The following NDST4 variants were observed in gnomAD, a reference collection of about 807,000 sequenced individuals.
The protein encoded by NDST4 is N-heparan sulfate sulfotransferase 4.
Under a neutral mutation model 100.8 loss-of-function variants are expected in NDST4, and 63 were observed. The observed-to-expected ratio is 0.62, with a 90% CI of 0.51 to 0.77. The LOEUF is 0.77. NDST4 is among the 30% of genes least tolerant of loss of function. The pLI, the probability that NDST4 is intolerant of heterozygous loss-of-function variation, is 0.00. For missense variants in NDST4, 943 were observed against 1,018.4 expected, an observed-to-expected ratio of 0.93 and a Z score of 1.01; for synonymous variants, 377 against 361.8, an observed-to-expected ratio of 1.04 and a Z score of -0.48.
intron 2 of NDST4, among the ~76,000 whole-genome samples, chr4:114,984,458 G>A (rs534080915): frequency 1.2e-4 from 19 of 152,026 alleles, no homozygotes; most frequent in Non-Finnish European, 2.1e-4. Context: ...CATGAGCAAC[G>A]GCGCCAGGCC....
At chr4:114,901,478 AT>A (rs1724837065) in intron 6 of NDST4, among the ~76,000 whole-genome samples, 1 of 151,860 alleles carries the variant, frequency 6.6e-6, no homozygotes. Flanking sequence ...TGTTAGAATG[AT>A]TTATCTTTCT....
rs747942559 is a variant in NDST4 at position 115,076,903 on chromosome 4, T to C, written c.134A>G (p.Glu45Gly). Residue 45 changes from glutamate (E) to glycine (G), a missense_variant, in exon 2 of 14, where the codon GAA becomes GGA. Coordinates refer to ENST00000264363, the MANE Select transcript of NDST4 (RefSeq NM_022569.3). Reference protein sequence around the residue: ...SGYKQEMTLIETTAEAECTDI... With the variant: ...SGYKQEMTLIGTTAEAECTDI... ...AGTGCATTCTGCTTCTGCAGTGGTT[T>C]CAATAAGTGTCATTTCCTGTTTGTA... The C allele has an allele frequency of 1.2e-6, 2 of 1,613,796 alleles. No homozygotes were observed. Among genetic ancestry groups the C allele is most frequent in the East Asian group, 2.2e-5 (1 of 44,760 alleles).
chr4:115,041,495 G>A (rs1481265292), intron 2 of NDST4, among the ~76,000 whole-genome samples: 1 of 152,082 alleles, frequency 6.6e-6, no homozygotes, highest in Non-Finnish European at 1.5e-5. Context: ...TGGATATGAT[G>A]CATCAGTTCA....
intron 4 of NDST4, among the ~76,000 whole-genome samples, chr4:114,963,197 A>G (rs1290811810): frequency 2.6e-5 from 4 of 152,196 alleles, no homozygotes; most frequent in African/African-American, 9.6e-5. Context: ...GAATGGATAT[A>G]TAATAGGTAA....
chr4:114,901,079 G>A (rs970696785), intron 6 of NDST4, among the ~76,000 whole-genome samples: 1 of 151,350 alleles, frequency 6.6e-6, no homozygotes, highest in African/African-American at 2.4e-5. Flanking sequence ...ACCTATCTTG[G>A]TTACTGTTCC....
chr4:115,030,752 A>G (rs1298559177), intron 2 of NDST4, among the ~76,000 whole-genome samples: 2 of 152,112 alleles, frequency 1.3e-5, no homozygotes, highest in East Asian at 3.9e-4. Context: ...AAAGACCTTA[A>G]AATTTTAAAC....
At chr4:115,080,858 C>T (rs1366865140) in intron 1 of NDST4, among the ~76,000 whole-genome samples, 2 of 152,056 alleles carry the variant, frequency 1.3e-5, no homozygotes, top group East Asian at 1.9e-4. Flanking sequence ...ACAACTCCCC[C>T]AAATAACCCA....
At chr4:115,026,495 A>T (rs1012679991) in intron 2 of NDST4, among the ~76,000 whole-genome samples, 15 of 152,160 alleles carry the variant, frequency 9.9e-5, no homozygotes, top group African/African-American at 3.4e-4. Flanking sequence ...CTCAGATTAT[A>T]CACATGTATT....
At chr4:114,879,096 G>A (rs965455852) in intron 6 of NDST4, among the ~76,000 whole-genome samples, 6 of 151,834 alleles carry the variant, frequency 4.0e-5, no homozygotes, top group African/African-American at 1.5e-4. Flanking sequence ...GTGAAGTTTT[G>A]ATACATCATT....
intron 6 of NDST4, among the ~76,000 whole-genome samples, chr4:114,928,341 A>C (rs934080529): frequency 6.6e-6 from 1 of 152,196 alleles, no homozygotes; most frequent in African/African-American, 2.4e-5. Flanking sequence ...CTCATCATCA[A>C]GTAGCCCCAA....
chr4:114,959,374 A>G (rs190550708), intron 4 of NDST4, among the ~76,000 whole-genome samples: 1 of 151,566 alleles, frequency 6.6e-6, no homozygotes, highest in East Asian at 1.9e-4. Context: ...AAAAAATCCA[A>G]GATGGGGTAA....
intron 4 of NDST4, among the ~76,000 whole-genome samples, chr4:114,963,431 TG>T (rs547388749): frequency 5.1e-4 from 77 of 151,846 alleles, no homozygotes; most frequent in African/African-American, 1.8e-3. Context: ...GTTGAGGGAG[TG>T]GGGAGAAATG....
At chr4:114,888,036 C>T (rs968679449) in intron 6 of NDST4, among the ~76,000 whole-genome samples, 3 of 151,870 alleles carry the variant, frequency 2.0e-5, no homozygotes, top group African/African-American at 4.8e-5. Flanking sequence ...AACCCTGACT[C>T]TACTAAAAAT....
chr4:114,852,701 A>C, intron 8 of NDST4, 24 bp downstream of exon 8: 1 of 1,282,550 alleles, frequency 7.8e-7, no homozygotes, highest in South Asian at 1.2e-5. Context: ...AAAGGATATA[A>C]GTAGCACAAT....
At chr4:115,100,170 G>A (rs1365551438) in intron 1 of NDST4, among the ~76,000 whole-genome samples, 3 of 152,064 alleles carry the variant, frequency 2.0e-5, no homozygotes, top group Non-Finnish European at 4.4e-5. Flanking sequence ...CAGGGAGAGA[G>A]GGATGAATAG....
At chr4:114,954,794 G>A (rs1435784173) in intron 4 of NDST4, among the ~76,000 whole-genome samples, 2 of 152,130 alleles carry the variant, frequency 1.3e-5, no homozygotes, top group Non-Finnish European at 2.9e-5. Context: ...TGGATAATGA[G>A]ATCACAATTC....
intron 2 of NDST4, among the ~76,000 whole-genome samples, chr4:115,049,509 C>G (rs1295237282): frequency 6.6e-6 from 1 of 152,016 alleles, no homozygotes; most frequent in African/African-American, 2.4e-5. Flanking sequence ...CATCCCAGAC[C>G]AAACATCTTT....
intron 1 of NDST4, among the ~76,000 whole-genome samples, chr4:115,102,956 C>T (rs1215315100): frequency 6.6e-6 from 1 of 151,984 alleles, no homozygotes; most frequent in Non-Finnish European, 1.5e-5. Context: ...GATCCACCAG[C>T]CTGAGCCTCC....
At chr4:114,901,322 T>C (rs190094008) in intron 6 of NDST4, among the ~76,000 whole-genome samples, 1 of 152,102 alleles carries the variant, frequency 6.6e-6, no homozygotes, top group African/African-American at 2.4e-5. Flanking sequence ...TATTTGCACA[T>C]ACATACTAAA....
Sources: gnomAD v4.1 joint callset for allele counts (sites outside exome capture counted in the v4.1 genomes callset) on GRCh38, gnomAD v4.1.1 for gene constraint, MANE v1.5 for transcripts, NCBI Gene and HGNC (gene_info 2026-07-23, HGNC 2026-07-21) for gene names.